The following ADGRB2 variants were observed in gnomAD, a reference collection of about 807,000 sequenced individuals.
ADGRB2 encodes the protein brain-specific angiogenesis inhibitor 2.
A neutral mutation model predicts 178.7 loss-of-function variants in ADGRB2; 47 were observed. The observed-to-expected ratio is 0.26, with a 90% CI of 0.21 to 0.34. ADGRB2 has a LOEUF of 0.34. Among genes scored for constraint, ADGRB2 ranks in the 10% least tolerant of loss-of-function variants. The pLI is 1.00. For missense variants in ADGRB2, 1,584 were observed against 2,180.8 expected, an observed-to-expected ratio of 0.73 and a Z score of 5.45; for synonymous variants, 870 against 912.4, an observed-to-expected ratio of 0.95 and a Z score of 0.84.
In ADGRB2 at chr1:31,740,163, C is replaced by T. The variant is rs1425855975; in HGVS notation, c.2005G>A (p.Val669Met). Residue 669 changes from valine to methionine, a missense_variant, in exon 13 of 33, where the codon GTG (valine) becomes ATG (methionine). Val to Met is a conservative substitution (Grantham distance 21, BLOSUM62 1). Around this residue, in one of 3 missense-constraint regions of ADGRB2, gnomAD observed 62 missense variants for 140.3 expected, o/e 0.44. Transcript: ENST00000373658. This position sits in a 1 kb window ranked among gnomAD's most constrained non-coding sequence, Gnocchi z 5.9. The stretch of plus-strand genomic sequence containing the variant: ...TTTTCCGCATCCACCATGAAGCTCA[C>T]CACCTGGAAGAAGCGCTGAGGAGAG... Reference protein sequence around the residue: ...ADDVQRFFQVVSFMVDAENKE... With the variant: ...ADDVQRFFQVMSFMVDAENKE... 6.2e-7 allele frequency: 1 copy of T among 1,613,996 alleles called. No individual in the cohort carries two copies. Among genetic ancestry groups the T allele is most frequent in the Non-Finnish European group, 8.5e-7 (1 of 1,180,030 alleles).
chr1:31,738,783 C>T, intron 16 of ADGRB2, 49 bp downstream of exon 16: 1 of 1,606,808 alleles, frequency 6.2e-7, no homozygotes, highest in Non-Finnish European at 8.5e-7. Flanking sequence ...AGGCCTCTGG[C>T]CACCCAGGTT....
rs994309773 is a variant in ADGRB2 at position 31,744,417 on chromosome 1, G to A, written c.923-60C>T. ...ACCTCCCAAGCACTCAGTCTCATAG[G>A]GATAGGGGGAGTGGCAGTAAGGTGG... On this transcript the variant is annotated intron_variant, in intron 5 of 32. Transcript: ENST00000373658. The surrounding 1 kb of genome is among the most constrained non-coding windows in gnomAD (Gnocchi z 6.7). The A allele has an allele frequency of 6.5e-7, 1 of 1,533,420 alleles. No homozygotes were observed. Among genetic ancestry groups the A allele is most frequent in the Non-Finnish European group, 8.8e-7 (1 of 1,141,042 alleles). The allele number at this position is 1,533,420 out of a possible 1,614,324, so 95.0% of individuals were successfully genotyped here.
rs780162711 is a variant in ADGRB2 at position 31,728,020 on chromosome 1, C to G, written c.4572+5G>C. 2 of 1,560,012 alleles carry G rather than the reference C, an allele frequency of 1.3e-6. No individual in the cohort carries two copies. Among genetic ancestry groups the G allele is most frequent in the Non-Finnish European group, 1.7e-6 (2 of 1,157,328 alleles). On this transcript the variant is annotated splice_donor_5th_base_variant and intron_variant, in intron 32 of 32. Coordinates refer to ENST00000373658, the MANE Select transcript of ADGRB2 (RefSeq NM_001364857.2). This position sits in a 1 kb window ranked among gnomAD's most constrained non-coding sequence, Gnocchi z 6.7. ...CCTCACCCCACCCAGCCCGGGGGGACTCACGGTGCACACGCTCCGCTCGGC... is the reference window on the plus strand; with the variant it reads ...CCTCACCCCACCCAGCCCGGGGGGAGTCACGGTGCACACGCTCCGCTCGGC...
chr1:31,735,100 C>T lies in ADGRB2; in HGVS notation c.3452+83G>A, dbSNP rs1423459764. ...TCCAGGGCACTGGGCTGATATCCCT[C>T]CTCCTCCCCCCACCATGGGCACTGC... On this transcript the variant is annotated intron_variant, in intron 25 of 32. Coordinates refer to ENST00000373658, the MANE Select transcript of ADGRB2 (RefSeq NM_001364857.2). The surrounding 1 kb of genome is among the most constrained non-coding windows in gnomAD (Gnocchi z 6.0). The T allele has an allele frequency of 1.6e-6, 2 of 1,213,528 alleles. No homozygotes were observed. Among genetic ancestry groups the T allele is most frequent in the Non-Finnish European group, 1.1e-6 (1 of 903,550 alleles). The allele number at this position is 1,213,528 out of a possible 1,614,324, so 75.2% of individuals were successfully genotyped here.
At chr1:31,729,802 C>T (rs963286523) in intron 29 of ADGRB2, among the ~76,000 whole-genome samples, 4 of 152,256 alleles carry the variant, frequency 2.6e-5, no homozygotes, top group Admixed American at 6.5e-5. Flanking sequence ...GAACAAAACC[C>T]GCCATGACGC....
intron 20 of ADGRB2, 73 bp from the exon 21 acceptor site, chr1:31,736,796 C>A: frequency 1.3e-6 from 2 of 1,537,302 alleles, no homozygotes; most frequent in East Asian, 2.4e-5. Flanking sequence ...CTTCCCACGC[C>A]CGCTGCTGGG....
Position 31,737,758 on chromosome 1 carries a change from G to A in ADGRB2, c.2773-3C>T. The A allele has an allele frequency of 6.2e-7, 1 of 1,613,106 alleles. No individual in the cohort carries two copies. The highest frequency in any genetic ancestry group is 8.5e-7 in the Non-Finnish European group (1 of 1,179,816). ...GGGGAGCCCGCCAGCTCCAGGGTCT[G>A]GGGAAGATGGGCAGACAGTCAGATG... On this transcript the variant is annotated splice_region_variant and splice_polypyrimidine_tract_variant and intron_variant, in intron 18 of 32. Coordinates refer to ENST00000373658, the MANE Select transcript of ADGRB2 (RefSeq NM_001364857.2).
Position 31,727,254 on chromosome 1 carries a change from C to T in ADGRB2, c.*166G>A, listed in dbSNP as rs936662738. ...GAAACAAGGAAGGGCCCTGGGACCC[C>T]AGGCCAAGCCATGTCCGGCTCCCCC... On this transcript the variant is annotated 3_prime_UTR_variant, in exon 33 of 33. Transcript: ENST00000373658. This position sits in a 1 kb window ranked among gnomAD's most constrained non-coding sequence, Gnocchi z 4.4. The T allele has an allele frequency of 1.6e-5, 13 of 813,728 alleles. No homozygotes were observed. The Admixed American group carries it at 2.1e-4, about 13-fold the overall frequency. The allele number at this position is 813,728 out of a possible 1,614,324, so 50.4% of individuals were successfully genotyped here.
In ADGRB2 at chr1:31,740,391, T is replaced by C; in HGVS notation, c.1945A>G (p.Thr649Ala). ...SVDILRNVTD[T>A]FKRATYVPSA... ...GGCACGTAGGTGGCCCTCTTAAAGG[T>C]GTCAGTGACATTCCTCAGAATGTCC... The change falls in exon 12 of 33, where the codon ACC becomes GCC. Residue 649 changes from threonine to alanine, a missense_variant. By Grantham distance (58) the Thr-to-Ala change is moderately conservative. Coordinates refer to ENST00000373658, the MANE Select transcript of ADGRB2 (RefSeq NM_001364857.2). This position sits in a 1 kb window ranked among gnomAD's most constrained non-coding sequence, Gnocchi z 5.9. 6.2e-7 allele frequency: 1 copy of C among 1,613,932 alleles called. No individual in the cohort carries two copies. Among genetic ancestry groups the C allele is most frequent in the Non-Finnish European group, 8.5e-7 (1 of 1,179,926 alleles).
At chr1:31,738,084 G>A (rs1045256927) in intron 18 of ADGRB2, 116 bp downstream of exon 18, 18 of 1,429,958 alleles carry the variant, frequency 1.3e-5, no homozygotes, top group East Asian at 2.4e-5. Context: ...TCCCACAAGC[G>A]CACCTGCAGA....
At chr1:31,742,695 C>T in intron 7 of ADGRB2, 143 bp downstream of exon 7, 1 of 1,004,614 alleles carries the variant, frequency 1.0e-6, no homozygotes, top group East Asian at 3.2e-5. Flanking sequence ...CACAGGCAGG[C>T]ATACTTCTCC....
At chr1:31,732,307 T>A (rs921116411) in intron 27 of ADGRB2, among the ~76,000 whole-genome samples, 153 bp from the exon 28 acceptor site, 1 of 152,208 alleles carries the variant, frequency 6.6e-6, no homozygotes, top group Non-Finnish European at 1.5e-5. Context: ...AGCCCAGGCA[T>A]GGCCTACCCC....
At chr1:31,757,012 A>G (rs1418509258) in intron 3 of ADGRB2, among the ~76,000 whole-genome samples, 189 bp downstream of exon 3, 1 of 152,236 alleles carries the variant, frequency 6.6e-6, no homozygotes, top group Admixed American at 6.5e-5. Context: ...AAATGGACCA[A>G]TGATAGGACC....
Position 31,747,485 on chromosome 1 carries a change from G to A in ADGRB2, c.839-2754C>T, listed in dbSNP as rs1646337178. Among the ~76,000 whole-genome samples, 4 of 151,906 alleles carry A rather than the reference G, an allele frequency of 2.6e-5. No individual in the cohort carries two copies. In the South Asian group the frequency reaches 8.3e-4, roughly 32 times the overall value. On this transcript the variant is annotated intron_variant, in intron 4 of 32. Transcript: ENST00000373658. Reference sequence around the variant, plus strand: ...CTTGTTTCCCCACCCTCTTTGCCTAGAAAACTCCTACTTGACCTTCAAAAC... The same window carrying A: ...CTTGTTTCCCCACCCTCTTTGCCTAAAAAACTCCTACTTGACCTTCAAAAC...
At chr1:31,729,758 G>A (rs1466641658) in intron 29 of ADGRB2, among the ~76,000 whole-genome samples, 2 of 152,226 alleles carry the variant, frequency 1.3e-5, no homozygotes, top group Non-Finnish European at 2.9e-5. Flanking sequence ...CCTGATGTCC[G>A]CCCTCAACAG....
chr1:31,737,363 T>A, intron 20 of ADGRB2, 66 bp downstream of exon 20: 2 of 1,438,636 alleles, frequency 1.4e-6, no homozygotes, highest in Non-Finnish European at 2.0e-6. Context: ...ACACACACAC[T>A]GCGCTCTCCA....
Position 31,742,869 on chromosome 1 carries a change from C to G in ADGRB2, c.1221G>C (p.Gln407His). 6.5e-7 allele frequency: 1 copy of G among 1,528,234 alleles called. No homozygotes were observed. The highest frequency in any genetic ancestry group is 1.2e-5 in the South Asian group (1 of 82,382). 94.7% of individuals were successfully genotyped at this position (1,528,234 alleles called of 1,614,324 possible). ...GGKACEGPEL[Q>H]TKLCSMAACP... ...AGGCAGCCATACTGCAGAGCTTAGT[C>G]TGCAGCTCAGGACCCTCGCAGGCCT... Residue 407 changes from glutamine (Q) to histidine (H), a missense_variant, in exon 7 of 33, where the codon CAG (glutamine) becomes CAC (histidine). This residue lies in a region of ADGRB2 where 657 missense variants were observed against 847.6 expected (regional missense o/e 0.78). Transcript: ENST00000373658.
rs761125430 is a variant in ADGRB2 at position 31,737,611 on chromosome 1, C to T, written c.2876+41G>A. The T allele has an allele frequency of 6.8e-6, 11 of 1,609,320 alleles. No homozygotes were observed. In the South Asian group the frequency reaches 1.1e-4, roughly 16 times the overall value. On this transcript the variant is annotated intron_variant, in intron 19 of 32. Transcript: ENST00000373658. ...TGTGGCTGGCCACCTTCTGCGCCTG[C>T]CCCCCCTCCCCCAGCCACAAGAGCC...
chr1:31,749,189 C>T (rs892722409), intron 4 of ADGRB2, among the ~76,000 whole-genome samples: 7 of 152,210 alleles, frequency 4.6e-5, no homozygotes, highest in African/African-American at 1.7e-4. Context: ...CTGACATGAG[C>T]CTGATTCTCC....
Sources: gnomAD v4.1 joint callset for allele counts (sites outside exome capture counted in the v4.1 genomes callset) on GRCh38, gnomAD v4.1.1 for gene constraint, gnomAD v4.1.1 regional missense constraint, Gnocchi (gnomAD v3.1) non-coding constraint, MANE v1.5 for transcripts, NCBI Gene and HGNC (gene_info 2026-07-23, HGNC 2026-07-21) for gene names.